TMC2: variants seen among roughly 807,000 people sequenced by gnomAD.
The protein encoded by TMC2 is transmembrane channel like 2.
A neutral mutation model predicts 105.9 loss-of-function variants in TMC2; 102 were observed. The observed-to-expected ratio is 0.96, with a 90% CI of 0.82 to 1.14. The LOEUF (loss-of-function observed/expected upper bound fraction) is 1.14. Among genes scored for constraint, TMC2 ranks in the 50% most tolerant of loss-of-function variants. TMC2 has a pLI of 0.00. For synonymous variants in TMC2, 402 were observed against 422.8 expected (o/e 0.95, Z 0.60); for missense variants, 1,093 against 1,134.3 (o/e 0.96, Z 0.52).
In TMC2 at chr20:2,579,987, T is replaced by C. The variant is rs1188337974; in HGVS notation, c.765T>C (p.Phe255=). Residue 255 remains phenylalanine, a synonymous_variant, in exon 7 of 20, where the codon TTT becomes TTC. Coordinates refer to ENST00000358864, the MANE Select transcript of TMC2 (RefSeq NM_080751.3). ...FGSSVASYFI[F]LRWMYGVNLV... ...CTTCAGTGGCATCGTATTTCATCTT[T>C]CTCCGATGGATGTATGGAGTTAACC... is the stretch of plus-strand genomic sequence containing the variant. 1.2e-6 allele frequency: 2 copies of C among 1,614,104 alleles called. No homozygotes were observed. The highest frequency in any genetic ancestry group is 4.5e-5 in the East Asian group (2 of 44,864).
intron 2 of TMC2, among the ~76,000 whole-genome samples, chr20:2,551,402 T>G (rs74489382): frequency 2.5e-4 from 22 of 86,414 alleles, no homozygotes; most frequent in African/African-American, 6.3e-4. Flanking sequence ...AGTTTGTGGG[T>G]TTTTTTTTTT....
At chr20:2,600,919 G>A (rs6050525) in intron 10 of TMC2, among the ~76,000 whole-genome samples, 39 of 150,092 alleles carry the variant, frequency 2.6e-4, no homozygotes, top group African/African-American at 8.8e-4. Flanking sequence ...CTTAGGAGGC[G>A]GAGGTTGCAG....
chr20:2,612,562 G>A (rs994211259), intron 13 of TMC2, among the ~76,000 whole-genome samples: 1 of 152,236 alleles, frequency 6.6e-6, no homozygotes, highest in South Asian at 2.1e-4. Flanking sequence ...TTGGTGTCTG[G>A]TAGATATTTT....
At chr20:2,624,149 G>T (rs1373038071) in intron 16 of TMC2, 122 bp from the exon 17 acceptor site, 1 of 1,104,408 alleles carries the variant, frequency 9.1e-7, no homozygotes, top group South Asian at 1.7e-5. Flanking sequence ...GCAGAGCTCT[G>T]GTTCTTCCAG....
At position 2,637,574 on chromosome 20, in the gene TMC2, T is replaced by G. The variant is rs781726792; in HGVS notation, c.2486T>G (p.Leu829Arg). ...AGCAGCTCCAAAAATGCCACCCAGCTCCAACTCACCAAGGAAGGTAAGCTC... is the reference window on the plus strand; with the variant it reads ...AGCAGCTCCAAAAATGCCACCCAGCGCCAACTCACCAAGGAAGGTAAGCTC... ...PKSSSKNATQ[L>R]QLTKEETTPP... Residue 829 changes from leucine (L) to arginine (R), a missense_variant, in exon 19 of 20, where the codon CTC becomes CGC. By Grantham distance (102) the Leu-to-Arg change is moderately radical (BLOSUM62 -2). Transcript: ENST00000358864. 16 of 1,612,636 alleles carry G rather than the reference T, an allele frequency of 9.9e-6. No homozygotes were observed. Among genetic ancestry groups the G allele is most frequent in the Non-Finnish European group, 1.3e-5 (15 of 1,178,908 alleles).
chr20:2,537,421 C>A, intron 2 of TMC2, 105 bp downstream of exon 2: 1 of 966,472 alleles, frequency 1.0e-6, no homozygotes, highest in Admixed American at 2.1e-5. Context: ...CATCTCCTTC[C>A]CTCTCATTCA....
In TMC2 at chr20:2,588,691, T is replaced by TTGTG. The variant is rs57035040; in HGVS notation, c.835-3591_835-3588dup. Among the ~76,000 whole-genome samples the TTGTG allele has an allele frequency of 8.4e-3, 1,213 of 143,556 alleles. 8 individuals carry two copies. The highest frequency in any genetic ancestry group is 0.013 in the South Asian group (57 of 4,372). The allele number at this position is 143,556 out of a possible 152,430, so 94.2% of individuals were successfully genotyped here. ...TATGTGTGTGCCTTTGCATGTGTCT[T>TTGTG]TGTGTGTGTGTGTGTGTGTGTGTGT... On this transcript the variant is annotated intron_variant, in intron 7 of 19. Transcript: ENST00000358864.
chr20:2,639,532 C>T (rs542013009), intron 19 of TMC2, among the ~76,000 whole-genome samples: 18 of 152,272 alleles, frequency 1.2e-4, no homozygotes, highest in Middle Eastern at 3.4e-3. Flanking sequence ...GTATAACAGG[C>T]CATGCCGTCT....
rs1279473168 is a variant in TMC2 at position 2,616,516 on chromosome 20, G to C, written c.1940+312G>C. Among the ~76,000 whole-genome samples, 1 of 146,824 alleles carries C rather than the reference G, an allele frequency of 6.8e-6. No homozygotes were observed. The highest frequency in any genetic ancestry group is 2.7e-5 in the African/African-American group (1 of 37,390). ...AAGAAGGAAGAAAGACAAAGGAAAG[G>C]GAAAAGGAAGGAGTAAAGAAGAGGA... is the stretch of plus-strand genomic sequence containing the variant. On this transcript the variant is annotated intron_variant, in intron 15 of 19. Coordinates refer to ENST00000358864, the MANE Select transcript of TMC2 (RefSeq NM_080751.3). This position sits in a 1 kb window ranked among gnomAD's most constrained non-coding sequence, Gnocchi z 4.8.
At chr20:2,628,780 C>G (rs1252463802) in intron 17 of TMC2, among the ~76,000 whole-genome samples, 1 of 152,178 alleles carries the variant, frequency 6.6e-6, no homozygotes, top group Non-Finnish European at 1.5e-5. Flanking sequence ...ATTACTCAGT[C>G]TTGGGTAGTT....
chr20:2,594,344 C>T (rs550985887), intron 8 of TMC2, among the ~76,000 whole-genome samples: 1 of 151,004 alleles, frequency 6.6e-6, no homozygotes, highest in South Asian at 2.1e-4. Context: ...TCTCCTGCCT[C>T]AGCCTCCCAA....
chr20:2,583,510 T>C (rs540740065), intron 7 of TMC2, among the ~76,000 whole-genome samples: 16 of 151,344 alleles, frequency 1.1e-4, no homozygotes, highest in African/African-American at 3.9e-4. Flanking sequence ...TCACCCAGGC[T>C]GAAGTGCAGT....
intron 2 of TMC2, among the ~76,000 whole-genome samples, chr20:2,549,651 A>G (rs527978558): frequency 1.3e-5 from 2 of 152,072 alleles, no homozygotes; most frequent in African/African-American, 2.4e-5. Context: ...GCTGAGGCAG[A>G]AGAATCCCTT....
chr20:2,601,860 G>A (rs973645537), intron 10 of TMC2, among the ~76,000 whole-genome samples: 1 of 152,046 alleles, frequency 6.6e-6, no homozygotes, highest in Non-Finnish European at 1.5e-5. Context: ...GACAATGCAC[G>A]GAAAGTACCA....
chr20:2,634,123 G>A (rs558028547), intron 17 of TMC2, among the ~76,000 whole-genome samples: 11 of 152,234 alleles, frequency 7.2e-5, no homozygotes, highest in Admixed American at 2.0e-4. Flanking sequence ...TTCAAGAAAT[G>A]GCTGCTCCTC....
At chr20:2,633,203 T>C (rs2086616978) in intron 17 of TMC2, among the ~76,000 whole-genome samples, 1 of 152,230 alleles carries the variant, frequency 6.6e-6, no homozygotes, top group Non-Finnish European at 1.5e-5. Context: ...TATTGGGGTA[T>C]GCCTTCAACA....
chr20:2,577,001 T>G (rs907762096), intron 5 of TMC2, among the ~76,000 whole-genome samples: 1 of 149,926 alleles, frequency 6.7e-6, no homozygotes, highest in Non-Finnish European at 1.5e-5. Context: ...CTCCGCCTCC[T>G]GGGTTAAGTG....
chr20:2,563,531 T>G (rs2086042474), intron 4 of TMC2, among the ~76,000 whole-genome samples: 1 of 152,220 alleles, frequency 6.6e-6, no homozygotes, highest in Non-Finnish European at 1.5e-5. Flanking sequence ...AGCTTTTATT[T>G]AAACTTAAAT....
chr20:2,552,380 T>C (rs1419178463), intron 2 of TMC2, among the ~76,000 whole-genome samples: 1 of 152,260 alleles, frequency 6.6e-6, no homozygotes. Context: ...ATTTTAATAA[T>C]GTTGAATGTT....
Sources: allele counts gnomAD v4.1 joint callset (sites outside exome capture counted in the v4.1 genomes callset), GRCh38; gene constraint gnomAD v4.1.1; non-coding constraint Gnocchi (gnomAD v3.1); transcripts MANE v1.5; gene names NCBI Gene and HGNC (gene_info 2026-07-23, HGNC 2026-07-21).